MND1: variants seen among roughly 807,000 people sequenced by gnomAD.
MND1 encodes meiotic nuclear divisions 1.
Under a neutral mutation model 35.1 loss-of-function variants are expected in MND1, and 28 were observed. The ratio of observed to expected loss-of-function variants is 0.80; its 90% CI spans 0.59 to 1.09. MND1 has a LOEUF of 1.09. MND1 is among the 50% of genes least tolerant of loss of function. The pLI is 0.00. For missense variants in MND1, 213 were observed against 239.6 expected (o/e 0.89, Z 0.73); for synonymous variants, 69 against 70.5 (o/e 0.98, Z 0.11).
chr4:153,411,300 A>G (rs559160886), intron 7 of MND1, among the ~76,000 whole-genome samples: 26 of 152,322 alleles, frequency 1.7e-4, no homozygotes, highest in African/African-American at 5.8e-4. Flanking sequence ...TCCTATTCCT[A>G]TAGGTATCTT....
chr4:153,351,833 T>G (rs918745061), intron 2 of MND1, among the ~76,000 whole-genome samples: 2 of 152,176 alleles, frequency 1.3e-5, no homozygotes, highest in Non-Finnish European at 2.9e-5. Context: ...AATTTAATGT[T>G]AAGTAGAAAA....
At chr4:153,368,238 C>G (rs2149638972) in intron 4 of MND1, among the ~76,000 whole-genome samples, 1 of 152,214 alleles carries the variant, frequency 6.6e-6, no homozygotes, top group Admixed American at 6.5e-5. Flanking sequence ...TAGCCAAATT[C>G]TAAACATCTC....
rs778662329 is a variant in MND1 at position 153,344,728 on chromosome 4, C to T, written c.-10C>T. ...CGGGCCCGGCCAGCGGAAGCCCCTG[C>T]GCCCGCGCCATGGTAAGGACTGAGG... On this transcript the variant is annotated 5_prime_UTR_variant, in exon 1 of 8. Transcript: ENST00000240488. 12 of 1,594,464 alleles carry T rather than the reference C, an allele frequency of 7.5e-6. No homozygotes were observed. In the South Asian group the frequency reaches 1.2e-4, roughly 17 times the overall value.
At chr4:153,349,390 T>C (rs1464785428) in intron 1 of MND1, among the ~76,000 whole-genome samples, 2 of 152,184 alleles carry the variant, frequency 1.3e-5, no homozygotes, top group Non-Finnish European at 2.9e-5. Context: ...GTCACTAGTC[T>C]GCTTTAGAAA....
chr4:153,372,814 G>A (rs1037470195), intron 4 of MND1, among the ~76,000 whole-genome samples: 2 of 152,050 alleles, frequency 1.3e-5, no homozygotes, highest in African/African-American at 4.8e-5. Flanking sequence ...CTGTTGCTGA[G>A]TGGAATTTCA....
intron 4 of MND1, among the ~76,000 whole-genome samples, chr4:153,362,500 G>A (rs567210479): frequency 2.0e-5 from 3 of 152,274 alleles, no homozygotes; most frequent in Admixed American, 2.0e-4. Flanking sequence ...CTCCCCAGAA[G>A]CAGAAGCCAC....
intron 7 of MND1, among the ~76,000 whole-genome samples, chr4:153,409,549 A>G (rs1318393390): frequency 6.6e-6 from 1 of 152,172 alleles, no homozygotes; most frequent in East Asian, 1.9e-4. Flanking sequence ...TGTGTCAGAC[A>G]GCAGAACAGG....
chr4:153,389,934 T>TA, intron 4 of MND1, among the ~76,000 whole-genome samples: 1 of 152,120 alleles, frequency 6.6e-6, no homozygotes, highest in African/African-American at 2.4e-5. Flanking sequence ...CCTGGGAACA[T>TA]ACTAGAAATG....
intron 1 of MND1, among the ~76,000 whole-genome samples, chr4:153,348,517 C>T (rs1186310701): frequency 1.3e-5 from 2 of 152,054 alleles, no homozygotes; most frequent in Non-Finnish European, 2.9e-5. Flanking sequence ...AGTAGCCAAA[C>T]CCAGCAGAAA....
At chr4:153,349,948 G>A (rs1561052879) in intron 1 of MND1, 116 bp from the exon 2 acceptor site, 1 of 663,448 alleles carries the variant, frequency 1.5e-6, no homozygotes, top group East Asian at 2.6e-5. Flanking sequence ...GACTTTGAGA[G>A]TATCAAACCT....
At chr4:153,402,752 C>T (rs772879970) in intron 6 of MND1, among the ~76,000 whole-genome samples, 4 of 152,130 alleles carry the variant, frequency 2.6e-5, no homozygotes, top group South Asian at 2.1e-4. Flanking sequence ...ATGCTAAAAT[C>T]CTCTCTGTGG....
intron 4 of MND1, among the ~76,000 whole-genome samples, chr4:153,382,751 TAAAC>T (rs969970187): frequency 7.2e-5 from 11 of 152,308 alleles, no homozygotes; most frequent in South Asian, 2.1e-4. Flanking sequence ...TGCCTTCTAA[TAAAC>T]AAAATTAAAG....
In MND1 at chr4:153,395,310, T is replaced by G. The variant is rs1385094334; in HGVS notation, c.351+974T>G. ...TTTTTTAAACACTGGCAATAACTTG[T>G]AGAACCACCTTCAACTAATGGTGAC... is the stretch of plus-strand genomic sequence containing the variant. On this transcript the variant is annotated intron_variant, in intron 5 of 7. Coordinates refer to ENST00000240488, the MANE Select transcript of MND1 (RefSeq NM_032117.4). Among the ~76,000 whole-genome samples, 5 of 152,360 alleles carry G rather than the reference T, an allele frequency of 3.3e-5. No individual in the cohort carries two copies. In the East Asian group the frequency reaches 9.6e-4, roughly 29 times the overall value.
intron 4 of MND1, among the ~76,000 whole-genome samples, chr4:153,379,027 G>A (rs535173390): frequency 3.9e-5 from 6 of 152,212 alleles, no homozygotes; most frequent in African/African-American, 1.4e-4. Context: ...GGTGACTCAC[G>A]TCTGTAATCC....
chr4:153,363,642 AAAGG>A (rs2149636542), intron 4 of MND1, among the ~76,000 whole-genome samples: 1 of 152,328 alleles, frequency 6.6e-6, no homozygotes, highest in African/African-American at 2.4e-5. Context: ...CAGTGGGAGA[AAAGG>A]AAGAGGCTAG....
chr4:153,379,849 C>CAA (rs34034237), intron 4 of MND1, among the ~76,000 whole-genome samples: 40 of 62,480 alleles, frequency 6.4e-4, no homozygotes, highest in African/African-American at 9.0e-4. Flanking sequence ...GACTCCATCT[C>CAA]AAAAAAAAAA....
chr4:153,380,901 C>A (rs1728659306), intron 4 of MND1, among the ~76,000 whole-genome samples: 1 of 142,636 alleles, frequency 7.0e-6, no homozygotes, highest in Non-Finnish European at 1.5e-5. Flanking sequence ...CTTAAGACAT[C>A]AGAGTTTTTT....
At chr4:153,380,797 TAAAC>T (rs1474844292) in intron 4 of MND1, among the ~76,000 whole-genome samples, 1 of 152,148 alleles carries the variant, frequency 6.6e-6, no homozygotes. Context: ...ATAAGGTAAA[TAAAC>T]TAAGATTTTT....
intron 6 of MND1, among the ~76,000 whole-genome samples, chr4:153,406,446 A>G (rs978090315): frequency 6.6e-6 from 1 of 152,002 alleles, no homozygotes; most frequent in African/African-American, 2.4e-5. Flanking sequence ...CGCTTGAACC[A>G]GGAAGGCAGA....
Sources: gnomAD v4.1 joint callset for allele counts (sites outside exome capture counted in the v4.1 genomes callset) on GRCh38, gnomAD v4.1.1 for gene constraint, MANE v1.5 for transcripts, NCBI Gene and HGNC (gene_info 2026-07-23, HGNC 2026-07-21) for gene names.